The following MAP4K4 variants were observed in gnomAD, a reference collection of about 807,000 sequenced individuals.
MAP4K4 encodes the protein HPK/GCK-like kinase HGK.
A neutral mutation model predicts 189.6 loss-of-function variants in MAP4K4; 38 were observed. That is an observed-to-expected ratio of 0.20 (90% confidence interval 0.15 to 0.26). The LOEUF (loss-of-function observed/expected upper bound fraction) is 0.26. MAP4K4 is among the 10% of genes least tolerant of loss of function. The pLI, the probability that MAP4K4 is intolerant of heterozygous loss-of-function variation, is 1.00. For synonymous variants in MAP4K4, 610 were observed against 624.3 expected, an observed-to-expected ratio of 0.98 and a Z score of 0.34; for missense variants, 1,054 against 1,726.9, an observed-to-expected ratio of 0.61 and a Z score of 6.91.
intron 3 of MAP4K4, among the ~76,000 whole-genome samples, chr2:101,805,261 T>C (rs2149050848): frequency 6.6e-6 from 1 of 152,130 alleles, no homozygotes; most frequent in Non-Finnish European, 1.5e-5. Flanking sequence ...CTGATATGCC[T>C]CTTGCAGTCA....
rs1345120540 is a variant in MAP4K4 at position 101,792,438 on chromosome 2, C to T, written c.180+1662C>T. Among the ~76,000 whole-genome samples, 6 of 152,228 alleles carry T rather than the reference C, an allele frequency of 3.9e-5. No homozygotes were observed. The East Asian group carries it at 7.7e-4, about 20-fold the overall frequency. On this transcript the variant is annotated intron_variant, in intron 3 of 32. Coordinates refer to ENST00000324219, the Ensembl canonical transcript of MAP4K4. ...TCCTCTTTCACATCTCTAATGGAAT[C>T]TAAATGTGGTTTGCCTTCTCTGTAG...
chr2:101,754,135 G>A (rs1574936028), intron 2 of MAP4K4, among the ~76,000 whole-genome samples: 1 of 152,194 alleles, frequency 6.6e-6, no homozygotes, highest in East Asian at 1.9e-4. Context: ...ATCTAGCCCT[G>A]TCTGCATCTT....
intron 10 of MAP4K4, among the ~76,000 whole-genome samples, chr2:101,841,713 C>T (rs750443415): frequency 8.6e-5 from 13 of 152,036 alleles, no homozygotes; most frequent in African/African-American, 2.2e-4. Flanking sequence ...GTGATCTGCC[C>T]GCCTCAGTCT....
chr2:101,802,747 T>C (rs2094487466), intron 3 of MAP4K4, among the ~76,000 whole-genome samples: 1 of 152,078 alleles, frequency 6.6e-6, no homozygotes, highest in Admixed American at 6.5e-5. Context: ...ACTGCCTGTC[T>C]CCCAAGAATA....
intron 12 of MAP4K4, among the ~76,000 whole-genome samples, chr2:101,855,162 A>G (rs1349571973): frequency 6.6e-6 from 1 of 152,160 alleles, no homozygotes; most frequent in Non-Finnish European, 1.5e-5. Flanking sequence ...GGATTTAGAA[A>G]GGCTGAGTGA....
intron 2 of MAP4K4, among the ~76,000 whole-genome samples, chr2:101,771,640 T>A (rs2081471671): frequency 6.6e-6 from 1 of 152,144 alleles, no homozygotes; most frequent in South Asian, 2.1e-4. Context: ...TCCACTCTAT[T>A]CTTAAGTGCA....
chr2:101,869,552 A>G (rs1464829036), intron 21 of MAP4K4, 70 bp from the exon 22 acceptor site: 1 of 1,276,140 alleles, frequency 7.8e-7, no homozygotes, highest in Non-Finnish European at 1.1e-6. Flanking sequence ...TTTATGGTTA[A>G]AGAACTTCTC....
intron 2 of MAP4K4, among the ~76,000 whole-genome samples, chr2:101,746,877 A>G (rs372725637): frequency 7.2e-5 from 11 of 151,944 alleles, no homozygotes; most frequent in East Asian, 3.9e-4. Context: ...CCCAGTGTAT[A>G]TTGTTGCTTA....
intron 2 of MAP4K4, among the ~76,000 whole-genome samples, chr2:101,753,481 G>A (rs1272634617): frequency 6.6e-6 from 1 of 152,170 alleles, no homozygotes; most frequent in Non-Finnish European, 1.5e-5. Flanking sequence ...TAGCAAAATA[G>A]GGTAGATATC....
intron 2 of MAP4K4, among the ~76,000 whole-genome samples, chr2:101,786,118 C>G (rs940773395): frequency 5.9e-5 from 9 of 152,106 alleles, no homozygotes; most frequent in African/African-American, 1.9e-4. Context: ...AGCCATTGCA[C>G]CCGGCCGGCA....
At chr2:101,851,163 A>G (rs1054881628) in intron 12 of MAP4K4, among the ~76,000 whole-genome samples, 7 of 152,240 alleles carry the variant, frequency 4.6e-5, no homozygotes, top group African/African-American at 1.4e-4. Context: ...TAGTTGGACA[A>G]GTACATATTT....
intron 2 of MAP4K4, among the ~76,000 whole-genome samples, chr2:101,786,888 A>G (rs1374999272): frequency 6.6e-6 from 1 of 152,228 alleles, no homozygotes; most frequent in African/African-American, 2.4e-5. Context: ...TTATAAACAC[A>G]TTAATGTTTA....
exon 18 of MAP4K4, chr2:101,865,014 G>A (rs1427261797): frequency 6.4e-7 from 1 of 1,567,668 alleles, no homozygotes; most frequent in Non-Finnish European, 8.7e-7. Context: ...GAATAGCCAG[G>A]CAGGACAGAG....
chr2:101,821,473 G>A (rs143693658), intron 3 of MAP4K4, among the ~76,000 whole-genome samples: 545 of 152,220 alleles, frequency 3.6e-3, no homozygotes, highest in Middle Eastern at 6.8e-3. Context: ...GAATAGTGTA[G>A]GCAATTGTAA....
intron 2 of MAP4K4, among the ~76,000 whole-genome samples, chr2:101,753,734 C>G (rs2070583268): frequency 6.6e-6 from 1 of 151,578 alleles, no homozygotes; most frequent in Non-Finnish European, 1.5e-5. Flanking sequence ...CTGTTTGTCT[C>G]AAGGAGTGTT....
At chr2:101,866,363 T>C in intron 18 of MAP4K4, 65 bp from the exon 19 acceptor site, 1 of 1,506,968 alleles carries the variant, frequency 6.6e-7, no homozygotes, top group African/African-American at 1.4e-5. Context: ...CATGCACATG[T>C]TGGTAATTTG....
At chr2:101,850,220 C>T (rs2097239341) in intron 12 of MAP4K4, among the ~76,000 whole-genome samples, 1 of 151,748 alleles carries the variant, frequency 6.6e-6, no homozygotes, top group Non-Finnish European at 1.5e-5. Context: ...AAAGGGATTT[C>T]TACAAATCTC....
At chr2:101,864,566 T>A (rs2097764049) in intron 17 of MAP4K4, among the ~76,000 whole-genome samples, 1 of 152,234 alleles carries the variant, frequency 6.6e-6, no homozygotes, top group Non-Finnish European at 1.5e-5. Context: ...CCTGCTAGTC[T>A]TTGCTTCCTG....
At chr2:101,887,287 T>G in intron 30 of MAP4K4, 50 bp downstream of exon 30, 2 of 1,564,724 alleles carry the variant, frequency 1.3e-6, no homozygotes, top group Non-Finnish European at 8.6e-7. Flanking sequence ...TCATTTTGTT[T>G]TGACTTTCTT....
Sources: allele counts gnomAD v4.1 joint callset (sites outside exome capture counted in the v4.1 genomes callset), GRCh38; gene constraint gnomAD v4.1.1; transcripts MANE v1.5; gene names NCBI Gene and HGNC (gene_info 2026-07-23, HGNC 2026-07-21).